The following CCDC33 variants were observed in gnomAD, a reference collection of about 807,000 sequenced individuals.
CCDC33 encodes coiled-coil domain containing 33.
CCDC33 carries 94 observed loss-of-function variants against 91.9 expected under a neutral mutation model. The ratio of observed to expected loss-of-function variants is 1.02; its 90% CI spans 0.87 to 1.21. CCDC33 has a LOEUF of 1.21. CCDC33 is among the 50% of genes most tolerant of loss of function. CCDC33 has a pLI of 0.00. For missense variants in CCDC33, 940 were observed against 935.5 expected, an observed-to-expected ratio of 1.00 and a Z score of -0.06; for synonymous variants, 396 against 374.5, an observed-to-expected ratio of 1.06 and a Z score of -0.66.
chr15:74,224,741 A>G (rs987158811), intron 2 of CCDC33, among the ~76,000 whole-genome samples: 3 of 152,196 alleles, frequency 2.0e-5, no homozygotes, highest in Non-Finnish European at 4.4e-5. Context: ...GAAATGAGCT[A>G]GTGTACAGTT....
At chr15:74,205,686 C>G (rs1272927773) in intron 1 of CCDC33, among the ~76,000 whole-genome samples, 1 of 152,180 alleles carries the variant, frequency 6.6e-6, no homozygotes, top group Non-Finnish European at 1.5e-5. Context: ...TCCATCTGCC[C>G]AGGGGCTGCA....
chr15:74,318,956 C>CCTCCTG (rs139220634), intron 11 of CCDC33, among the ~76,000 whole-genome samples: 1,962 of 152,236 alleles, frequency 0.013, 47 homozygotes, highest in African/African-American at 0.044. Flanking sequence ...TAGTCTGGGC[C>CCTCCTG]CTACCTCTGG....
chr15:74,248,753 T>C (rs1243611357), intron 2 of CCDC33, among the ~76,000 whole-genome samples: 1 of 152,022 alleles, frequency 6.6e-6, no homozygotes, highest in Non-Finnish European at 1.5e-5. Flanking sequence ...CAGCCAAAAC[T>C]ATTCCAGACC....
At position 74,230,703 on chromosome 15, in the gene CCDC33, C is replaced by T. The variant is rs751278884; in HGVS notation, c.675+11842C>T. Among the ~76,000 whole-genome samples, 62 of 152,222 alleles carry T rather than the reference C, an allele frequency of 4.1e-4. 2 individuals are homozygous for T. Among genetic ancestry groups the T allele is most frequent in the Admixed American group, 2.6e-3 (40 of 15,292 alleles). ...GCCAGAGGTGCTCCATCTTGGCATA[C>T]ATTGGTGTAAGTGTGAGGGAAAGCT... is the stretch of plus-strand genomic sequence containing the variant. On this transcript the variant is annotated intron_variant, in intron 2 of 2. Transcript: ENST00000635913.
chr15:74,224,329 C>T (rs753885161), intron 2 of CCDC33, among the ~76,000 whole-genome samples: 8 of 152,208 alleles, frequency 5.3e-5, no homozygotes, highest in Non-Finnish European at 1.0e-4. Flanking sequence ...AAACACTCTC[C>T]ATTCATGGGG....
rs1195376512 is a variant in CCDC33, at chr15:74,208,099, T to TGAG, written n.90-1278_90-1276dup. ...GTTCTGGTATGAGGGTGGACACTGG[T>TGAG]GAGGAGGAGGAGGGTAGCCGGCTGT... is the stretch of plus-strand genomic sequence containing the variant. On this transcript the variant is annotated intron_variant and non_coding_transcript_variant, in intron 1 of 3. Transcript: ENST00000558645. The TGAG allele has an allele frequency of 6.0e-6, 7 of 1,168,058 alleles. No homozygotes were observed. In the African/African-American group the frequency reaches 1.1e-4, roughly 18 times the overall value. 72.4% of individuals were successfully genotyped at this position (1,168,058 alleles called of 1,614,324 possible). A position where few individuals can be genotyped will look rare whatever the true frequency, so the allele number is the denominator to read the frequency against.
intron 11 of CCDC33, among the ~76,000 whole-genome samples, chr15:74,323,428 C>T (rs1203353146): frequency 2.0e-5 from 3 of 152,112 alleles, no homozygotes; most frequent in South Asian, 2.1e-4. Flanking sequence ...AGCATCCTCA[C>T]GCCCCTCATG....
At chr15:74,259,896 C>T (rs1054144950) in intron 2 of CCDC33, among the ~76,000 whole-genome samples, 2 of 152,214 alleles carry the variant, frequency 1.3e-5, no homozygotes, top group Admixed American at 6.5e-5. Context: ...TGTGTCCATG[C>T]AGGTGCAGTT....
intron 2 of CCDC33, among the ~76,000 whole-genome samples, chr15:74,228,119 G>A (rs2074857396): frequency 6.6e-6 from 1 of 152,184 alleles, no homozygotes. Context: ...TGGAAAGACA[G>A]GAGCACCACA....
chr15:74,312,620 C>A (rs1405226122), intron 11 of CCDC33, among the ~76,000 whole-genome samples: 2 of 152,148 alleles, frequency 1.3e-5, no homozygotes, highest in Non-Finnish European at 2.9e-5. Flanking sequence ...CACTTGTTGG[C>A]GCCATCTGTT....
Position 74,268,336 on chromosome 15 carries a change from C to A in CCDC33, c.430-6C>A. The A allele has an allele frequency of 6.2e-7, 1 of 1,608,340 alleles. No individual in the cohort carries two copies. The highest frequency in any genetic ancestry group is 1.1e-5 in the South Asian group (1 of 90,972). ...TCTGTGTCTTCTGCCCCAACCCTGTCTCCAGCCCACTGAGTCTGGGAAAGC... is the reference window on the plus strand; with the variant it reads ...TCTGTGTCTTCTGCCCCAACCCTGTATCCAGCCCACTGAGTCTGGGAAAGC... On this transcript the variant is annotated splice_polypyrimidine_tract_variant and splice_region_variant and intron_variant, in intron 4 of 18. Coordinates refer to ENST00000398814, the MANE Select transcript of CCDC33 (RefSeq NM_025055.5).
At chr15:74,262,649 G>T in intron 3 of CCDC33, 76 bp downstream of exon 3, 2 of 1,501,402 alleles carry the variant, frequency 1.3e-6, no homozygotes, top group Non-Finnish European at 9.0e-7. Context: ...CAAGAAGCAG[G>T]CTCCCTCTCA....
rs750154583 is a variant in CCDC33 at position 74,331,194 on chromosome 15, G to T, written c.1678-9G>T. On this transcript the variant is annotated splice_polypyrimidine_tract_variant and intron_variant, in intron 14 of 18. Coordinates refer to ENST00000398814, the MANE Select transcript of CCDC33 (RefSeq NM_025055.5). ...CCTGGGCCAGCCCAGCCTCTGCTCT[G>T]CTCTCCAGGTGATCGAGAAGATGGA... 5.0e-6 allele frequency: 8 copies of T among 1,614,178 alleles called. No homozygotes were observed. Among genetic ancestry groups the T allele is most frequent in the Non-Finnish European group, 2.5e-6 (3 of 1,180,012 alleles).
exon 1 of CCDC33, chr15:74,217,369 T>G (rs1203913008): frequency 2.3e-6 from 3 of 1,290,054 alleles, no homozygotes; most frequent in Non-Finnish European, 2.0e-6. Context: ...TTCGAAGTTT[T>G]GAGCGTGGGG....
chr15:74,260,428 C>T (rs2075991583), intron 2 of CCDC33, among the ~76,000 whole-genome samples: 1 of 152,224 alleles, frequency 6.6e-6, no homozygotes, highest in Admixed American at 6.5e-5. Flanking sequence ...CCAGCTTGTA[C>T]TCAGTGCTCC....
At chr15:74,263,007 A>T (rs571209678) in intron 3 of CCDC33, among the ~76,000 whole-genome samples, 25 of 152,310 alleles carry the variant, frequency 1.6e-4, no homozygotes, top group African/African-American at 5.1e-4. Flanking sequence ...AAGACCAAGG[A>T]CCAAGGACTC....
intron 5 of CCDC33, among the ~76,000 whole-genome samples, chr15:74,269,837 G>T (rs1205575547): frequency 6.6e-6 from 1 of 152,228 alleles, no homozygotes; most frequent in East Asian, 1.9e-4. Flanking sequence ...CGCATGGCAG[G>T]AGCAGGAACT....
chr15:74,305,615 C>T (rs2059879427), intron 11 of CCDC33, among the ~76,000 whole-genome samples: 2 of 152,294 alleles, frequency 1.3e-5, no homozygotes, highest in Non-Finnish European at 2.9e-5. Context: ...TGTCTGGTGC[C>T]CCCAACCTCC....
At chr15:74,317,899 T>TG (rs1555421327) in intron 11 of CCDC33, among the ~76,000 whole-genome samples, 1,505 of 149,700 alleles carry the variant, frequency 0.01, 29 homozygotes, top group African/African-American at 0.036. Flanking sequence ...TTTTTTTTTT[T>TG]TTTTTTTTTT....
Sources: gnomAD v4.1 joint callset for allele counts (sites outside exome capture counted in the v4.1 genomes callset) on GRCh38, gnomAD v4.1.1 for gene constraint, MANE v1.5 for transcripts, NCBI Gene and HGNC (gene_info 2026-07-23, HGNC 2026-07-21) for gene names.